The following CLSTN2 variants were observed in gnomAD, a reference collection of about 807,000 sequenced individuals.
The protein encoded by CLSTN2 is calsyntenin-2.
CLSTN2 carries 48 observed loss-of-function variants against 101.2 expected under a neutral mutation model. That is an observed-to-expected ratio of 0.47 (90% confidence interval 0.38 to 0.60). The LOEUF (loss-of-function observed/expected upper bound fraction) is 0.60. Ranked by LOEUF, CLSTN2 falls within the 20% of genes least tolerant of loss-of-function variation. CLSTN2 has a pLI of 0.00. For synonymous variants in CLSTN2, 481 were observed against 463.6 expected (o/e 1.04, Z -0.48); for missense variants, 1,160 against 1,238.2 (o/e 0.94, Z 0.95).
chr3:140,035,467 C>T (rs547472252), intron 1 of CLSTN2, among the ~76,000 whole-genome samples: 5 of 152,324 alleles, frequency 3.3e-5, no homozygotes, highest in Admixed American at 3.3e-4. Flanking sequence ...GCACAAAAGG[C>T]AAAAGAGCAT....
chr3:140,332,775 G>GA (rs1422266842), intron 2 of CLSTN2, among the ~76,000 whole-genome samples: 1 of 151,994 alleles, frequency 6.6e-6, no homozygotes, highest in Non-Finnish European at 1.5e-5. Context: ...AGACAAGGAG[G>GA]AGTAAGAATA....
intron 2 of CLSTN2, among the ~76,000 whole-genome samples, chr3:140,333,589 C>A (rs1028957304): frequency 1.3e-5 from 2 of 152,112 alleles, no homozygotes; most frequent in African/African-American, 4.8e-5. Context: ...CAGTAGAATT[C>A]TCTGCTACTA....
chr3:140,417,475 TC>T (rs2088444484), intron 4 of CLSTN2, among the ~76,000 whole-genome samples: 1 of 152,210 alleles, frequency 6.6e-6, no homozygotes, highest in Non-Finnish European at 1.5e-5. Flanking sequence ...GATAGGTTGT[TC>T]CCATTTAAAT....
chr3:140,522,834 T>C (rs1198120191), intron 8 of CLSTN2, among the ~76,000 whole-genome samples: 1 of 152,236 alleles, frequency 6.6e-6, no homozygotes, highest in African/African-American at 2.4e-5. Flanking sequence ...CTGTTCCCTT[T>C]CAAACTGCTC....
intron 1 of CLSTN2, among the ~76,000 whole-genome samples, chr3:140,133,990 A>G (rs1313907173): frequency 6.6e-6 from 1 of 152,184 alleles, no homozygotes; most frequent in Non-Finnish European, 1.5e-5. Context: ...CTTGTGGGCA[A>G]TAGTCACATC....
intron 10 of CLSTN2, among the ~76,000 whole-genome samples, chr3:140,553,530 C>T (rs1269608663): frequency 1.3e-5 from 2 of 152,108 alleles, no homozygotes; most frequent in African/African-American, 4.8e-5. Context: ...CTGGGAAGTG[C>T]TAAATTTTCC....
At chr3:140,086,875 C>G (rs1306894669) in intron 1 of CLSTN2, among the ~76,000 whole-genome samples, 1 of 152,228 alleles carries the variant, frequency 6.6e-6, no homozygotes, top group Non-Finnish European at 1.5e-5. Context: ...GTATCACATA[C>G]AGTTCTAAGA....
At chr3:140,562,026 T>C (rs1351685496) in intron 12 of CLSTN2, 112 bp from the exon 13 acceptor site, 2 of 904,292 alleles carry the variant, frequency 2.2e-6, no homozygotes, top group East Asian at 5.0e-5. Flanking sequence ...CAGACTCTGC[T>C]CCTGACCCAG....
rs1559806122 is a variant in CLSTN2 at position 140,205,628 on chromosome 3, CA to C, written c.232+29556del. ...GTTTGGACCTGACCCGCCCCCCACC[CA>C]CACACACACACAGCCACCTGCTATG... On this transcript the variant is annotated intron_variant, in intron 2 of 16. Coordinates refer to ENST00000458420, the MANE Select transcript of CLSTN2 (RefSeq NM_022131.3). Among the ~76,000 whole-genome samples, 373 of 112,990 alleles carry C rather than the reference CA, an allele frequency of 3.3e-3. 9 individuals carry two copies. The highest frequency in any genetic ancestry group is 0.01 in the African/African-American group (353 of 33,836). The allele number at this position is 112,990 out of a possible 152,430, so 74.1% of individuals were successfully genotyped here. A position where few individuals can be genotyped will look rare whatever the true frequency, so the allele number is the denominator to read the frequency against.
At chr3:140,492,146 T>TA (rs5852984) in intron 8 of CLSTN2, among the ~76,000 whole-genome samples, 5 of 151,650 alleles carry the variant, frequency 3.3e-5, no homozygotes, top group Middle Eastern at 3.4e-3. Context: ...CATAATGGCT[T>TA]AAAAAAAAAT....
intron 6 of CLSTN2, among the ~76,000 whole-genome samples, chr3:140,458,927 C>A (rs2108015728): frequency 6.6e-6 from 1 of 152,320 alleles, no homozygotes; most frequent in Non-Finnish European, 1.5e-5. Context: ...TGTTCTCAAC[C>A]ACTGCATCAT....
At chr3:140,153,155 A>G (rs1398593751) in intron 1 of CLSTN2, among the ~76,000 whole-genome samples, 2 of 152,206 alleles carry the variant, frequency 1.3e-5, no homozygotes, top group East Asian at 3.8e-4. Flanking sequence ...GGGTCCTGGT[A>G]CATGTCCCCT....
At chr3:139,987,290 C>T (rs6766312) in intron 1 of CLSTN2, among the ~76,000 whole-genome samples, 49,893 of 151,962 alleles carry the variant, frequency 0.33, 10,117 homozygotes, top group Non-Finnish European at 0.46. Context: ...ATGTTTATAC[C>T]CCTGCATTCA....
chr3:140,552,962 A>G (rs918300970), intron 10 of CLSTN2, among the ~76,000 whole-genome samples: 1 of 152,242 alleles, frequency 6.6e-6, no homozygotes, highest in Non-Finnish European at 1.5e-5. Flanking sequence ...GAAACTGATG[A>G]CTTGCGAATA....
intron 8 of CLSTN2, among the ~76,000 whole-genome samples, chr3:140,503,547 G>A (rs1934623869): frequency 6.6e-6 from 1 of 151,782 alleles, no homozygotes; most frequent in Admixed American, 6.5e-5. Context: ...ATAACCGAAG[G>A]ACGCATTTCT....
At chr3:140,332,476 T>G (rs1178954587) in intron 2 of CLSTN2, among the ~76,000 whole-genome samples, 1 of 152,208 alleles carries the variant, frequency 6.6e-6, no homozygotes, top group Non-Finnish European at 1.5e-5. Context: ...GGTAGAAATT[T>G]CAATAATTTT....
intron 9 of CLSTN2, among the ~76,000 whole-genome samples, chr3:140,533,137 TCTC>T (rs1935293212): frequency 6.6e-6 from 1 of 152,188 alleles, no homozygotes; most frequent in Admixed American, 6.5e-5. Context: ...CCCAGGCTAA[TCTC>T]CTTGGGATCA....
chr3:140,035,596 G>GAA (rs1553792294), intron 1 of CLSTN2, among the ~76,000 whole-genome samples: 3 of 152,204 alleles, frequency 2.0e-5, no homozygotes, highest in East Asian at 3.9e-4. Flanking sequence ...ATTCCATGTA[G>GAA]GATAATAATA....
intron 1 of CLSTN2, among the ~76,000 whole-genome samples, chr3:140,008,416 A>G (rs926961202): frequency 2.0e-5 from 3 of 152,158 alleles, no homozygotes; most frequent in African/African-American, 7.2e-5. Flanking sequence ...TGCTGTGAAC[A>G]CCTTCCATAC....
Sources: gnomAD v4.1 joint callset for allele counts (sites outside exome capture counted in the v4.1 genomes callset) on GRCh38, gnomAD v4.1.1 for gene constraint, MANE v1.5 for transcripts, NCBI Gene and HGNC (gene_info 2026-07-23, HGNC 2026-07-21) for gene names.